The following PPP2R2A variants were observed in gnomAD, a reference collection of about 807,000 sequenced individuals.
PPP2R2A encodes the protein protein phosphatase 2 regulatory subunit Balpha.
In PPP2R2A, 9 loss-of-function variants were observed where a neutral mutation model predicts 53.2. That is an observed-to-expected ratio of 0.17 (90% CI 0.10 to 0.30). The LOEUF (loss-of-function observed/expected upper bound fraction) is 0.30. Among genes scored for constraint, PPP2R2A ranks in the 10% least tolerant of loss-of-function variants. The pLI is 1.00. For missense variants in PPP2R2A, 235 were observed against 534.6 expected (o/e 0.44, Z 5.53); for synonymous variants, 169 against 174.2 (o/e 0.97, Z 0.23).
At chr8:26,336,612 C>T (rs1388904362) in intron 2 of PPP2R2A, among the ~76,000 whole-genome samples, 2 of 152,054 alleles carry the variant, frequency 1.3e-5, no homozygotes, top group African/African-American at 2.4e-5. Context: ...GGTATGGTAG[C>T]GCTTGCAAAC....
intron 2 of PPP2R2A, among the ~76,000 whole-genome samples, chr8:26,331,303 T>C (rs1803364491): frequency 6.6e-6 from 1 of 152,208 alleles, no homozygotes; most frequent in Non-Finnish European, 1.5e-5. Context: ...TTTCATATAT[T>C]CTATTCAGTT....
chr8:26,350,831 T>C (rs944669862), intron 3 of PPP2R2A: 1 of 152,252 alleles, frequency 6.6e-6, no homozygotes, highest in African/African-American at 2.4e-5. Context: ...CTTTACACTT[T>C]TTGTAGATGA....
At chr8:26,326,561 T>A (rs1279219541) in intron 2 of PPP2R2A, among the ~76,000 whole-genome samples, 4 of 152,224 alleles carry the variant, frequency 2.6e-5, no homozygotes, top group Admixed American at 6.5e-5. Context: ...TCTTATAGCA[T>A]AGCCATAGTA....
chr8:26,319,433 G>A (rs1203025805), intron 2 of PPP2R2A, among the ~76,000 whole-genome samples: 2 of 152,030 alleles, frequency 1.3e-5, no homozygotes, highest in Admixed American at 6.6e-5. Flanking sequence ...CCAGCAATAC[G>A]CAAGGGTTTT....
intron 2 of PPP2R2A, among the ~76,000 whole-genome samples, chr8:26,301,675 G>A (rs1265889570): frequency 2.0e-5 from 3 of 152,064 alleles, no homozygotes; most frequent in African/African-American, 2.4e-5. Flanking sequence ...TTCTCTGGTC[G>A]GAGTCCGTAG....
intron 2 of PPP2R2A, among the ~76,000 whole-genome samples, chr8:26,298,006 T>C (rs1007897214): frequency 1.2e-4 from 19 of 152,122 alleles, no homozygotes; most frequent in Non-Finnish European, 2.4e-4. Context: ...GAAGAAAAGC[T>C]ATGAAGTAAA....
At chr8:26,302,963 A>G (rs914308070) in intron 2 of PPP2R2A, among the ~76,000 whole-genome samples, 2 of 152,218 alleles carry the variant, frequency 1.3e-5, no homozygotes, top group African/African-American at 4.8e-5. Context: ...CCTGTCATTC[A>G]GAAAATTTGA....
At chr8:26,343,957 C>G (rs988574443) in intron 3 of PPP2R2A, among the ~76,000 whole-genome samples, 1 of 152,164 alleles carries the variant, frequency 6.6e-6, no homozygotes, top group Non-Finnish European at 1.5e-5. Context: ...TGGGTTCTGT[C>G]ATTGGACCCT....
At chr8:26,364,066 C>T (rs1398585781) in intron 8 of PPP2R2A, among the ~76,000 whole-genome samples, 176 bp downstream of exon 8, 1 of 152,092 alleles carries the variant, frequency 6.6e-6, no homozygotes, top group Non-Finnish European at 1.5e-5. Flanking sequence ...TATATACTTA[C>T]ATAGGTTGTG....
At chr8:26,309,079 T>C (rs1175817732) in intron 2 of PPP2R2A, among the ~76,000 whole-genome samples, 1 of 152,194 alleles carries the variant, frequency 6.6e-6, no homozygotes, top group Non-Finnish European at 1.5e-5. Flanking sequence ...CAGGCTGGGC[T>C]TGAGCTCATG....
intron 2 of PPP2R2A, among the ~76,000 whole-genome samples, chr8:26,334,561 C>T (rs542412648): frequency 4.6e-5 from 7 of 151,960 alleles, no homozygotes; most frequent in Non-Finnish European, 7.4e-5. Flanking sequence ...CTGGCTAACA[C>T]GGTGAAACCC....
At chr8:26,332,905 C>A (rs1330961545) in intron 2 of PPP2R2A, among the ~76,000 whole-genome samples, 1 of 152,136 alleles carries the variant, frequency 6.6e-6, no homozygotes, top group African/African-American at 2.4e-5. Context: ...CCACCTTATC[C>A]CTATAGTGCT....
At chr8:26,323,806 A>T (rs535021678) in intron 2 of PPP2R2A, among the ~76,000 whole-genome samples, 1 of 152,008 alleles carries the variant, frequency 6.6e-6, no homozygotes, top group Non-Finnish European at 1.5e-5. Context: ...TGATTAAGTC[A>T]TTGGCCGTTT....
At chr8:26,308,015 G>A (rs1802100975) in intron 2 of PPP2R2A, among the ~76,000 whole-genome samples, 1 of 152,216 alleles carries the variant, frequency 6.6e-6, no homozygotes, top group South Asian at 2.1e-4. Flanking sequence ...ATTGCAATAA[G>A]GTGAGTCACA....
intron 4 of PPP2R2A, among the ~76,000 whole-genome samples, chr8:26,355,019 A>G (rs1804697549): frequency 6.6e-6 from 1 of 152,202 alleles, no homozygotes; most frequent in Admixed American, 6.5e-5. Context: ...ATATTAAATA[A>G]CTTCACATAC....
At chr8:26,310,667 CCTT>C (rs1802249555) in intron 2 of PPP2R2A, among the ~76,000 whole-genome samples, 8 of 33,910 alleles carry the variant, frequency 2.4e-4, no homozygotes, top group Non-Finnish European at 3.7e-4. Flanking sequence ...TTTTTTTTTT[CCTT>C]TTTTTTTTTT....
At position 26,362,205 on chromosome 8, in the gene PPP2R2A, A is replaced by C. The variant is rs754375495; in HGVS notation, c.638-479A>C. ...ATGATTGGGTAAATAAAAATATTCT[A>C]TTGAGGCCGGGCACAGTGACTCATG... On this transcript the variant is annotated intron_variant, in intron 6 of 9. Coordinates refer to ENST00000380737, the MANE Select transcript of PPP2R2A (RefSeq NM_002717.4). The surrounding 1 kb of genome is among the most constrained non-coding windows in gnomAD (Gnocchi z 4.4). 6.6e-6 allele frequency among the ~76,000 whole-genome samples: 1 copy of C among 151,666 alleles called. No homozygotes were observed. The highest frequency in any genetic ancestry group is 1.5e-5 in the Non-Finnish European group (1 of 67,922).
At chr8:26,334,311 T>C (rs914225587) in intron 2 of PPP2R2A, among the ~76,000 whole-genome samples, 9 of 152,302 alleles carry the variant, frequency 5.9e-5, no homozygotes, top group Admixed American at 5.2e-4. Context: ...ACTCAACTGA[T>C]ATACTATACT....
intron 2 of PPP2R2A, among the ~76,000 whole-genome samples, chr8:26,336,228 A>G (rs950654662): frequency 6.6e-6 from 1 of 152,144 alleles, no homozygotes; most frequent in Non-Finnish European, 1.5e-5. Flanking sequence ...GTTCGAAACC[A>G]GCCTGGGCAA....
Sources: gnomAD v4.1 joint callset for allele counts (sites outside exome capture counted in the v4.1 genomes callset) on GRCh38, gnomAD v4.1.1 for gene constraint, Gnocchi (gnomAD v3.1) non-coding constraint, MANE v1.5 for transcripts, NCBI Gene and HGNC (gene_info 2026-07-23, HGNC 2026-07-21) for gene names.